The following RBPJ variants were observed in gnomAD, a reference collection of about 807,000 sequenced individuals.
The protein encoded by RBPJ is recombination signal binding protein for immunoglobulin kappa J region.
RBPJ carries 9 observed loss-of-function variants against 67.8 expected under a neutral mutation model. The observed-to-expected ratio is 0.13, with a 90% CI of 0.08 to 0.23. The LOEUF is 0.23. RBPJ is among the 10% of genes least tolerant of loss of function. The pLI is 1.00. For synonymous variants in RBPJ, 198 were observed against 203.3 expected (o/e 0.97, Z 0.22); for missense variants, 305 against 595.6 (o/e 0.51, Z 5.08).
the RBPJ span, among the ~76,000 whole-genome samples, chr4:26,140,395 T>C: frequency 2.0e-5 from 3 of 152,206 alleles, no homozygotes; most frequent in East Asian, 5.8e-4. Flanking sequence ...CACACATAAC[T>C]GAAGAGTACA....
chr4:26,304,613 C>A (rs971026567), intron 1 of RBPJ, among the ~76,000 whole-genome samples: 4 of 152,146 alleles, frequency 2.6e-5, no homozygotes, highest in Non-Finnish European at 4.4e-5. Context: ...AATATTTTTT[C>A]ATGTGATCAA....
At chr4:26,336,975 G>C (rs1041584127) in intron 1 of RBPJ, among the ~76,000 whole-genome samples, 3 of 150,882 alleles carry the variant, frequency 2.0e-5, no homozygotes, top group Admixed American at 6.7e-5. Context: ...AGCGTTTTTT[G>C]TTTGTTTGTT....
At chr4:26,227,751 C>G (rs1719127207) in intron 1 of RBPJ, among the ~76,000 whole-genome samples, 1 of 152,218 alleles carries the variant, frequency 6.6e-6, no homozygotes, top group Non-Finnish European at 1.5e-5. Flanking sequence ...CAGTGAAGAG[C>G]AGACTTTGCT....
Position 26,386,516 on chromosome 4 carries a change from T to G in RBPJ, c.59+125T>G, listed in dbSNP as rs570901484. 1.5e-5 allele frequency: 9 copies of G among 614,886 alleles called. No homozygotes were observed. In the East Asian group the frequency reaches 2.5e-4, roughly 17 times the overall value. 38.1% of individuals were successfully genotyped at this position (614,886 alleles called of 1,614,324 possible). On this transcript the variant is annotated intron_variant, in intron 2 of 10. Transcript: ENST00000355476. ...AAATATTACTGTCTAGAGCATAAAC[T>G]TATTCTCAAACTTCCTTTCCCTCAT...
At chr4:26,245,226 T>C (rs1334155997) in intron 1 of RBPJ, among the ~76,000 whole-genome samples, 3 of 134,556 alleles carry the variant, frequency 2.2e-5, no homozygotes, top group African/African-American at 5.7e-5. Context: ...TTTTTTTTTT[T>C]GAGTTGGAGT....
intron 3 of RBPJ, among the ~76,000 whole-genome samples, chr4:26,414,471 G>A (rs758080513): frequency 3.9e-5 from 6 of 152,110 alleles, no homozygotes; most frequent in Non-Finnish European, 5.9e-5. Flanking sequence ...GCCCAGCCTG[G>A]ATATTCCTGT....
intron 1 of RBPJ, chr4:26,362,755 T>C: frequency 1.3e-6 from 1 of 744,000 alleles, no homozygotes. Flanking sequence ...GTTATATAAC[T>C]TTTGATTATA....
the RBPJ span, among the ~76,000 whole-genome samples, chr4:26,130,136 C>G: frequency 2.6e-5 from 4 of 152,228 alleles, no homozygotes; most frequent in East Asian, 7.7e-4. Context: ...GCTGGGATTA[C>G]AGGCATGAGC....
chr4:26,402,341 C>T (rs1397353310), intron 2 of RBPJ, among the ~76,000 whole-genome samples: 1 of 152,130 alleles, frequency 6.6e-6, no homozygotes, highest in African/African-American at 2.4e-5. Flanking sequence ...TAGTGGGAAT[C>T]GGCACCATTA....
chr4:26,386,100 C>T (rs900968459), intron 1 of RBPJ, among the ~76,000 whole-genome samples: 2 of 152,166 alleles, frequency 1.3e-5, no homozygotes, highest in African/African-American at 2.4e-5. Flanking sequence ...GATACCTGTC[C>T]TCCCCATCTA....
rs1299706373 is a variant in RBPJ at position 26,431,055 on chromosome 4, G to A, written c.*48G>A. ...TAAACTGACTTGAGTGTGGCAAAAA[G>A]TTAACAAAAAAGGAGAAAAAATGAA... is the stretch of plus-strand genomic sequence containing the variant. On this transcript the variant is annotated 3_prime_UTR_variant, in exon 11 of 11. Coordinates refer to ENST00000355476, the MANE Select transcript of RBPJ (RefSeq NM_015874.6). The A allele has an allele frequency of 5.9e-6, 9 of 1,529,228 alleles. No homozygotes were observed. The highest frequency in any genetic ancestry group is 1.8e-5 in the Admixed American group (1 of 55,442). 94.7% of individuals were successfully genotyped at this position (1,529,228 alleles called of 1,614,324 possible).
At position 26,270,437 on chromosome 4, in the gene RBPJ, G is replaced by GAAAGAAAAGA. The variant is rs757127437; in HGVS notation, c.-166-92007_-166-92006insAGAAAAGAAA. Among the ~76,000 whole-genome samples the GAAAGAAAAGA allele has an allele frequency of 2.0e-4, 6 of 30,200 alleles. 1 individual carries two copies. The highest frequency in any genetic ancestry group is 4.2e-4 in the African/African-American group (6 of 14,338). 19.8% of individuals were successfully genotyped at this position (30,200 alleles called of 152,430 possible). On this transcript the variant is annotated intron_variant, in intron 1 of 4. Transcript: ENST00000512351. Reference sequence around the variant, plus strand: ...AGAAAGAAAGAAAGAAAGAAAGAAAGAAGAAAGAAAGAAAGAAAGAAAAGA... The same window carrying GAAAGAAAAGA: ...AGAAAGAAAGAAAGAAAGAAAGAAAGAAAGAAAAGAAAGAAAGAAAGAAAGAAAGAAAAGA...
At chr4:26,376,828 A>G (rs1014923017) in intron 1 of RBPJ, among the ~76,000 whole-genome samples, 1 of 152,196 alleles carries the variant, frequency 6.6e-6, no homozygotes, top group Admixed American at 6.5e-5. Flanking sequence ...GTTTTAAATC[A>G]GAGCCATCCT....
chr4:26,222,858 G>T (rs925880593), intron 1 of RBPJ, among the ~76,000 whole-genome samples: 3 of 151,798 alleles, frequency 2.0e-5, no homozygotes, highest in Non-Finnish European at 4.4e-5. Flanking sequence ...GATTGAGTAA[G>T]AATTATACTT....
chr4:26,417,143 T>A (rs565180385), intron 4 of RBPJ, among the ~76,000 whole-genome samples: 1 of 152,308 alleles, frequency 6.6e-6, no homozygotes, highest in East Asian at 1.9e-4. Flanking sequence ...GTACTATGAA[T>A]GAGTGGATCA....
chr4:26,273,287 C>T lies in RBPJ; in HGVS notation c.-166-89159C>T, dbSNP rs570068464. ...GAGCTGACATTAAAGAGAACTGTTACCTCACCCGAGAGCTTTAGGAGGAAA... is the reference window on the plus strand; with the variant it reads ...GAGCTGACATTAAAGAGAACTGTTATCTCACCCGAGAGCTTTAGGAGGAAA... On this transcript the variant is annotated intron_variant, in intron 1 of 4. Transcript: ENST00000512351. Among the ~76,000 whole-genome samples, 3 of 152,312 alleles carry T rather than the reference C, an allele frequency of 2.0e-5. No homozygotes were observed. In the South Asian group the frequency reaches 6.2e-4, roughly 32 times the overall value.
intron 1 of RBPJ, among the ~76,000 whole-genome samples, chr4:26,224,626 C>T (rs985752520): frequency 1.8e-4 from 27 of 151,980 alleles, no homozygotes; most frequent in African/African-American, 5.6e-4. Flanking sequence ...CCAAAGTGCT[C>T]GGATTATGGG....
chr4:26,401,031 G>A (rs1732732357), intron 2 of RBPJ, among the ~76,000 whole-genome samples: 1 of 152,222 alleles, frequency 6.6e-6, no homozygotes, highest in South Asian at 2.1e-4. Context: ...AAGCCTCAGT[G>A]GAAGTCCCAT....
At chr4:26,218,838 G>A (rs1044633068) in intron 1 of RBPJ, among the ~76,000 whole-genome samples, 2 of 152,154 alleles carry the variant, frequency 1.3e-5, no homozygotes, top group African/African-American at 2.4e-5. Flanking sequence ...ACAGAGCCAC[G>A]TGGAGCCAGG....
Sources: allele counts gnomAD v4.1 joint callset (sites outside exome capture counted in the v4.1 genomes callset), GRCh38; gene constraint gnomAD v4.1.1; transcripts MANE v1.5; gene names NCBI Gene and HGNC (gene_info 2026-07-23, HGNC 2026-07-21).